Variants in RIPOR2 observed in about 807,000 individuals in gnomAD.
RIPOR2 encodes the protein rho family-interacting cell polarization regulator 2.
Under a neutral mutation model 114.5 loss-of-function variants are expected in RIPOR2, and 39 were observed. The ratio of observed to expected loss-of-function variants is 0.34; its 90% CI spans 0.26 to 0.44. The LOEUF is 0.44. Among genes scored for constraint, RIPOR2 ranks in the 20% least tolerant of loss-of-function variants. The pLI is 1.00. For synonymous variants in RIPOR2, 445 were observed against 484.4 expected (o/e 0.92, Z 1.07); for missense variants, 1,007 against 1,255.1 (o/e 0.80, Z 2.99).
At chr6:24,928,771 T>A (rs1020771318) in intron 1 of RIPOR2, among the ~76,000 whole-genome samples, 1 of 152,214 alleles carries the variant, frequency 6.6e-6, no homozygotes, top group Non-Finnish European at 1.5e-5. Context: ...AGGACTAAAC[T>A]TGTAATATAG....
chr6:24,819,503 C>G (rs1302516113), intron 19 of RIPOR2, among the ~76,000 whole-genome samples: 1 of 151,116 alleles, frequency 6.6e-6, no homozygotes, highest in Non-Finnish European at 1.5e-5. Context: ...AAAATCTCTG[C>G]ATAAAAGTAC....
At chr6:24,962,731 A>G (rs1026783267) in intron 1 of RIPOR2, among the ~76,000 whole-genome samples, 1 of 152,214 alleles carries the variant, frequency 6.6e-6, no homozygotes, top group African/African-American at 2.4e-5. Context: ...GTACACTGAT[A>G]TACATAAAAA....
At chr6:24,891,786 C>T (rs186947202) in intron 1 of RIPOR2, among the ~76,000 whole-genome samples, 5 of 152,314 alleles carry the variant, frequency 3.3e-5, no homozygotes, top group African/African-American at 1.2e-4. Flanking sequence ...AGTAAGTTAG[C>T]TTCCACAATC....
At chr6:24,921,533 A>ACCTC (rs1400100973) in intron 1 of RIPOR2, among the ~76,000 whole-genome samples, 1 of 151,658 alleles carries the variant, frequency 6.6e-6, no homozygotes, top group East Asian at 1.9e-4. Flanking sequence ...CTCTCCCCAG[A>ACCTC]CCTCCATATG....
chr6:24,849,678 G>T, intron 11 of RIPOR2, 124 bp downstream of exon 11: 2 of 853,610 alleles, frequency 2.3e-6, no homozygotes, highest in Non-Finnish European at 3.7e-6. Context: ...CCTGGGGTGG[G>T]GCCCGAGATT....
chr6:25,017,208 G>T (rs938564158), intron 1 of RIPOR2, among the ~76,000 whole-genome samples: 1 of 152,126 alleles, frequency 6.6e-6, no homozygotes, highest in African/African-American at 2.4e-5. Flanking sequence ...GGTAATCCCC[G>T]TTACTTGGGA....
chr6:24,899,902 G>A (rs1768246677), intron 1 of RIPOR2, among the ~76,000 whole-genome samples: 1 of 152,156 alleles, frequency 6.6e-6, no homozygotes, highest in African/African-American at 2.4e-5. Context: ...GAGAAAAAGT[G>A]CCCATTTCAT....
chr6:24,957,268 C>T (rs1270602251), intron 1 of RIPOR2, among the ~76,000 whole-genome samples: 1 of 152,188 alleles, frequency 6.6e-6, no homozygotes, highest in Admixed American at 6.5e-5. Flanking sequence ...ATGTGCCAGT[C>T]ACTGTTCTTG....
At chr6:24,936,142 G>A, upstream of RIPOR2, 1 of 460,394 alleles carries the variant, frequency 2.2e-6, no homozygotes, top group South Asian at 3.1e-5. Flanking sequence ...GAGGGCTGCA[G>A]ATCCGGTTGG....
At chr6:24,945,745 A>T (rs1772372659) in intron 1 of RIPOR2, among the ~76,000 whole-genome samples, 1 of 152,184 alleles carries the variant, frequency 6.6e-6, no homozygotes, top group Non-Finnish European at 1.5e-5. Flanking sequence ...GAAAATAAAT[A>T]AAAAGTGTAG....
At chr6:24,959,792 A>G (rs1327057546) in intron 1 of RIPOR2, among the ~76,000 whole-genome samples, 1 of 152,084 alleles carries the variant, frequency 6.6e-6, no homozygotes, top group African/African-American at 2.4e-5. Flanking sequence ...ACTAAACTGT[A>G]TTGGGGCAAA....
intron 19 of RIPOR2, among the ~76,000 whole-genome samples, chr6:24,819,337 G>A (rs1229866167): frequency 1.3e-5 from 2 of 152,068 alleles, no homozygotes; most frequent in Admixed American, 1.3e-4. Context: ...GAATGGAAAT[G>A]ATGGCTTAGA....
chr6:25,032,317 T>C (rs913211152), intron 1 of RIPOR2, among the ~76,000 whole-genome samples: 2 of 152,174 alleles, frequency 1.3e-5, no homozygotes, highest in Non-Finnish European at 2.9e-5. Flanking sequence ...GACTCCGTTT[T>C]TCTTGATATT....
intron 1 of RIPOR2, chr6:25,024,328 G>A: frequency 6.8e-7 from 1 of 1,477,612 alleles, no homozygotes; most frequent in Non-Finnish European, 9.4e-7. Flanking sequence ...CCAAGTTTCA[G>A]TGCCTTCTTC....
At chr6:24,809,380 C>T (rs1027114687) in intron 21 of RIPOR2, among the ~76,000 whole-genome samples, 5 of 152,120 alleles carry the variant, frequency 3.3e-5, no homozygotes, top group Admixed American at 6.6e-5. Flanking sequence ...AATGTCAACC[C>T]CACCTGGCAA....
intron 1 of RIPOR2, among the ~76,000 whole-genome samples, chr6:24,885,618 TG>T (rs997448717): frequency 2.0e-5 from 3 of 152,364 alleles, no homozygotes; most frequent in African/African-American, 7.2e-5. Context: ...GCACTCAGTT[TG>T]GGTTCTACAG....
In RIPOR2 at chr6:24,973,411, G is replaced by A. The variant is rs963143662; in HGVS notation, c.76+68440C>T. 5.9e-5 allele frequency among the ~76,000 whole-genome samples: 9 copies of A among 151,872 alleles called. No homozygotes were observed. In the South Asian group the frequency reaches 1.5e-3, roughly 25 times the overall value. ...AGGTCAGGAGATCAAGACCATCCTG[G>A]CCAACATGGTGAAACCCCCGTTTCT... On this transcript the variant is annotated intron_variant, in intron 1 of 13. Coordinates refer to the RIPOR2 transcript ENST00000510784.
At chr6:25,015,889 TTTTTTG>T (rs1459158829) in intron 1 of RIPOR2, 1 of 16,252 alleles carries the variant, frequency 6.2e-5, no homozygotes, top group East Asian at 1.8e-3. Context: ...AAAACGCAGG[TTTTTTG>T]GTTTTTTTTT....
At chr6:24,936,948 A>G (rs1771842323), upstream of RIPOR2, among the ~76,000 whole-genome samples, 1 of 152,146 alleles carries the variant, frequency 6.6e-6, no homozygotes, top group South Asian at 2.1e-4. Flanking sequence ...GGTTTTGAAG[A>G]TACTCCCAGT....
Sources: allele counts gnomAD v4.1 joint callset (sites outside exome capture counted in the v4.1 genomes callset), GRCh38; gene constraint gnomAD v4.1.1; transcripts MANE v1.5; gene names NCBI Gene and HGNC (gene_info 2026-07-23, HGNC 2026-07-21).